ZNF618: variants seen among roughly 807,000 people sequenced by gnomAD.
ZNF618 encodes the protein neural precursor cell expressed, developmentally down-regulated 10.
ZNF618 carries 34 observed loss-of-function variants against 103.0 expected under a neutral mutation model. The ratio of observed to expected loss-of-function variants is 0.33; its 90% confidence interval spans 0.25 to 0.44. The LOEUF is 0.44. Ranked by LOEUF, ZNF618 falls within the 20% of genes least tolerant of loss-of-function variation. The probability of loss-of-function intolerance (pLI) is 1.00; values close to 1 mark genes in which losing one functional copy is unlikely to be tolerated. For missense variants in ZNF618, 1,059 were observed against 1,295.4 expected, an observed-to-expected ratio of 0.82 and a Z score of 2.80; for synonymous variants, 551 against 542.2, an observed-to-expected ratio of 1.02 and a Z score of -0.23.
At chr9:114,004,543 G>T (rs1238223961) in intron 6 of ZNF618, among the ~76,000 whole-genome samples, 2 of 152,202 alleles carry the variant, frequency 1.3e-5, no homozygotes, top group Non-Finnish European at 2.9e-5. Flanking sequence ...GTTGTCCGCG[G>T]GCTTGCTGGT....
chr9:113,991,597 A>G (rs1347695490), intron 3 of ZNF618, among the ~76,000 whole-genome samples: 1 of 152,230 alleles, frequency 6.6e-6, no homozygotes, highest in African/African-American at 2.4e-5. Flanking sequence ...AGGGATAGTC[A>G]TTGTTTCTGC....
chr9:113,928,074 G>A (rs186073177), intron 1 of ZNF618, among the ~76,000 whole-genome samples: 263 of 152,256 alleles, frequency 1.7e-3, no homozygotes, highest in Non-Finnish European at 2.9e-3. Flanking sequence ...TTACATGTTG[G>A]AATGGAAACC....
chr9:113,994,694 G>T (rs77540469), intron 3 of ZNF618, among the ~76,000 whole-genome samples: 1 of 152,164 alleles, frequency 6.6e-6, no homozygotes, highest in African/African-American at 2.4e-5. Flanking sequence ...GACAAAAAAC[G>T]TAAAACCAGT....
At chr9:113,969,780 C>A (rs1444590656) in intron 2 of ZNF618, among the ~76,000 whole-genome samples, 1 of 152,198 alleles carries the variant, frequency 6.6e-6, no homozygotes, top group South Asian at 2.1e-4. Context: ...AACACCCATG[C>A]TGCCGCTGCT....
At chr9:114,045,138 T>C (rs1845545154) in intron 13 of ZNF618, among the ~76,000 whole-genome samples, 1 of 152,136 alleles carries the variant, frequency 6.6e-6, no homozygotes, top group Admixed American at 6.5e-5. Flanking sequence ...TTTGCAAATA[T>C]CTTTCCCATT....
intron 10 of ZNF618, among the ~76,000 whole-genome samples, chr9:114,019,626 A>G (rs572167646): frequency 7.4e-4 from 112 of 152,284 alleles, no homozygotes; most frequent in African/African-American, 2.6e-3. Context: ...CTTATTGGCC[A>G]CTTACATATT....
At chr9:114,040,858 G>T (rs539396467) in intron 13 of ZNF618, among the ~76,000 whole-genome samples, 3 of 152,350 alleles carry the variant, frequency 2.0e-5, no homozygotes, top group East Asian at 3.9e-4. Context: ...TAATGGGATG[G>T]CTGGGTCAAA....
chr9:113,979,900 TTGC>T (rs1262927709), intron 2 of ZNF618, among the ~76,000 whole-genome samples: 1 of 151,432 alleles, frequency 6.6e-6, no homozygotes, highest in Admixed American at 6.6e-5. Context: ...ATGACCTTGG[TTGC>T]TCTGTCCAGT....
intron 9 of ZNF618, among the ~76,000 whole-genome samples, chr9:114,013,290 G>A (rs1335611655): frequency 6.6e-6 from 1 of 152,280 alleles, no homozygotes; most frequent in East Asian, 1.9e-4. Context: ...AGACTCAATT[G>A]TGAGAAATTC....
intron 1 of ZNF618, among the ~76,000 whole-genome samples, chr9:113,963,070 A>C (rs1228117407): frequency 1.3e-5 from 2 of 152,204 alleles, no homozygotes; most frequent in African/African-American, 4.8e-5. Context: ...TTGGGGATTC[A>C]CTGGCTTTTG....
chr9:113,959,153 G>A (rs1029960683), intron 1 of ZNF618, among the ~76,000 whole-genome samples: 4 of 152,070 alleles, frequency 2.6e-5, no homozygotes, highest in African/African-American at 9.7e-5. Context: ...GCCGGGCGTC[G>A]TGGCGCATGC....
intron 3 of ZNF618, among the ~76,000 whole-genome samples, chr9:113,995,945 G>A (rs1418437403): frequency 6.6e-6 from 1 of 152,184 alleles, no homozygotes; most frequent in Non-Finnish European, 1.5e-5. Context: ...AAGAACCAGC[G>A]AGTGGGGCCT....
At chr9:114,004,677 A>C (rs1841577598) in intron 6 of ZNF618, among the ~76,000 whole-genome samples, 1 of 152,056 alleles carries the variant, frequency 6.6e-6, no homozygotes, top group Non-Finnish European at 1.5e-5. Context: ...CCCTGCCCTG[A>C]CCCAGACTGG....
intron 10 of ZNF618, among the ~76,000 whole-genome samples, chr9:114,017,786 C>T (rs1842770855): frequency 6.6e-6 from 1 of 152,148 alleles, no homozygotes; most frequent in Admixed American, 6.5e-5. Flanking sequence ...TGGGAAGGCC[C>T]AGGTCCCTCC....
intron 1 of ZNF618, among the ~76,000 whole-genome samples, chr9:113,895,476 T>C (rs889661324): frequency 6.6e-6 from 1 of 152,176 alleles, no homozygotes; most frequent in African/African-American, 2.4e-5. Context: ...TTTGTGTCTA[T>C]ATCCATTAGT....
intron 7 of ZNF618, among the ~76,000 whole-genome samples, chr9:114,007,992 G>A (rs763298120): frequency 6.6e-6 from 1 of 152,096 alleles, no homozygotes; most frequent in Non-Finnish European, 1.5e-5. Flanking sequence ...TTCTCACCTC[G>A]TCTTTCTCTC....
In ZNF618 at chr9:114,050,194, A is replaced by G; in HGVS notation, c.*27A>G. 1 of 1,516,748 alleles carries G rather than the reference A, an allele frequency of 6.6e-7. No homozygotes were observed. The highest frequency in any genetic ancestry group is 8.8e-7 in the Non-Finnish European group (1 of 1,141,260). 94.0% of individuals were successfully genotyped at this position (1,516,748 alleles called of 1,614,324 possible). A position where few individuals can be genotyped will look rare whatever the true frequency, so the allele number is the denominator to read the frequency against. ...ACTTGACTTCGGGGGAAAAAAAAAG[A>G]AAAAGAGAAGATAACATTAGAAAAA... On this transcript the variant is annotated 3_prime_UTR_variant, in exon 15 of 15. Transcript: ENST00000374126.
In ZNF618 at chr9:113,917,277, G is replaced by A. The variant is rs565610607; in HGVS notation, c.33+40864G>A. Among the ~76,000 whole-genome samples the A allele has an allele frequency of 2.0e-3, 260 of 131,802 alleles. 1 individual carries two copies. The highest frequency in any genetic ancestry group is 7.1e-3 in the African/African-American group (248 of 34,854). 86.5% of individuals were successfully genotyped at this position (131,802 alleles called of 152,430 possible). On this transcript the variant is annotated intron_variant, in intron 1 of 14. Coordinates refer to ENST00000374126, the MANE Select transcript of ZNF618 (RefSeq NM_001318042.2). ...TTTTTTTTTGTGAGATAGGGGTCTG[G>A]CTTTGTCACCCAGGCTGCAGTGCAG...
chr9:114,039,789 C>T (rs1017937154), intron 13 of ZNF618, among the ~76,000 whole-genome samples: 3 of 152,156 alleles, frequency 2.0e-5, no homozygotes, highest in African/African-American at 7.2e-5. Context: ...GTATCAAGGG[C>T]CATGGCACAT....
Sources: allele counts gnomAD v4.1 joint callset (sites outside exome capture counted in the v4.1 genomes callset), GRCh38; gene constraint gnomAD v4.1.1; transcripts MANE v1.5; gene names NCBI Gene and HGNC (gene_info 2026-07-23, HGNC 2026-07-21).